Variants in ARHGEF7 observed in about 807,000 individuals in gnomAD.
The protein encoded by ARHGEF7 is Rho guanine nucleotide exchange factor 7.
ARHGEF7 carries 33 observed loss-of-function variants against 109.8 expected under a neutral mutation model. The ratio of observed to expected loss-of-function variants is 0.30; its 90% CI spans 0.23 to 0.40. ARHGEF7 has a LOEUF of 0.40. ARHGEF7 is among the 10% of genes least tolerant of loss of function. ARHGEF7 has a pLI of 1.00. For synonymous variants in ARHGEF7, 458 were observed against 424.6 expected (o/e 1.08, Z -0.97); for missense variants, 938 against 1,098.5 (o/e 0.85, Z 2.07).
At chr13:111,299,577 C>T (rs1262154090) in intron 19 of ARHGEF7, among the ~76,000 whole-genome samples, 6 of 152,078 alleles carry the variant, frequency 3.9e-5, no homozygotes, top group East Asian at 1.9e-4. Context: ...CTCCTGACCT[C>T]GTGATCCACC....
At chr13:111,252,065 T>A (rs2089853926) in intron 8 of ARHGEF7, among the ~76,000 whole-genome samples, 1 of 152,192 alleles carries the variant, frequency 6.6e-6, no homozygotes, top group South Asian at 2.1e-4. Context: ...TGTGTGGTCC[T>A]GGAAGGTGCA....
chr13:111,129,898 G>T (rs549497425), intron 1 of ARHGEF7, among the ~76,000 whole-genome samples: 6 of 152,312 alleles, frequency 3.9e-5, no homozygotes, highest in Admixed American at 3.9e-4. Context: ...AAATGGAAAC[G>T]ATACGGCCAT....
chr13:111,138,781 T>G (rs1346870019), intron 1 of ARHGEF7, among the ~76,000 whole-genome samples: 1 of 152,130 alleles, frequency 6.6e-6, no homozygotes, highest in African/African-American at 2.4e-5. Flanking sequence ...TGATGACAAT[T>G]TTGACAACAC....
Position 111,162,931 on chromosome 13 carries a change from A to G in ARHGEF7, c.252+8940A>G, listed in dbSNP as rs183668252. Among the ~76,000 whole-genome samples, 438 of 152,366 alleles carry G rather than the reference A, an allele frequency of 2.9e-3. 5 individuals are homozygous for G. Among genetic ancestry groups the G allele is most frequent in the African/African-American group, 9.8e-3 (407 of 41,574 alleles). On this transcript the variant is annotated intron_variant, in intron 2 of 21. Transcript: ENST00000646102. ...TAGTCTGGGATGGGACGCCCAGCCA[A>G]GTGTTGTCTTTGTTCTAGATTCAGA...
At chr13:111,119,123 A>C (rs1409145256) in intron 1 of ARHGEF7, among the ~76,000 whole-genome samples, 3 of 152,200 alleles carry the variant, frequency 2.0e-5, no homozygotes, top group Non-Finnish European at 4.4e-5. Context: ...GTGGCAACAC[A>C]AGTCCAATCT....
intron 6 of ARHGEF7, among the ~76,000 whole-genome samples, chr13:111,235,610 G>A (rs983556628): frequency 1.3e-5 from 2 of 152,206 alleles, no homozygotes; most frequent in African/African-American, 2.4e-5. Context: ...GTCTTTTGAT[G>A]TAGTACTCTC....
rs77969679 is a variant in ARHGEF7 at position 111,144,171 on chromosome 13, T to A, written c.166-9734T>A. 4.8e-4 allele frequency: 73 copies of A among 152,342 alleles called. 2 individuals are homozygous for A. The East Asian group carries it at 0.014, about 29-fold the overall frequency. 9.4% of individuals were successfully genotyped at this position (152,342 alleles called of 1,614,324 possible). ...GAACTGGAGGTTTGGTACACTTGTA[T>A]CTATTACTACCCTTCATAATCTGGC... On this transcript the variant is annotated intron_variant, in intron 1 of 21. Transcript: ENST00000646102.
At chr13:111,173,856 G>A (rs2077838228) in intron 2 of ARHGEF7, among the ~76,000 whole-genome samples, 2 of 152,188 alleles carry the variant, frequency 1.3e-5, no homozygotes, top group Non-Finnish European at 2.9e-5. Flanking sequence ...GTAGAGGGAT[G>A]TGGGTGTCAT....
At chr13:111,191,252 G>A (rs897912138) in intron 2 of ARHGEF7, among the ~76,000 whole-genome samples, 1 of 152,116 alleles carries the variant, frequency 6.6e-6, no homozygotes, top group African/African-American at 2.4e-5. Flanking sequence ...AAGTTGTGAG[G>A]TGTAATTACA....
In ARHGEF7 at chr13:111,255,648, T is replaced by C. The variant is rs949155327; in HGVS notation, c.950+11354T>C. On this transcript the variant is annotated intron_variant, in intron 8 of 21. Coordinates refer to ENST00000646102, the MANE Select transcript of ARHGEF7 (RefSeq NM_001354046.2). The surrounding 1 kb of genome is among the most constrained non-coding windows in gnomAD (Gnocchi z 4.1). ...TGGCTTTGGAGGGCCCTGAGTGAGCTGGCTGGTGTTCGTGAAAGAAGATCT... is the reference window on the plus strand; with the variant it reads ...TGGCTTTGGAGGGCCCTGAGTGAGCCGGCTGGTGTTCGTGAAAGAAGATCT... Among the ~76,000 whole-genome samples the C allele has an allele frequency of 6.6e-6, 1 of 152,248 alleles. No homozygotes were observed. Among genetic ancestry groups the C allele is most frequent in the Non-Finnish European group, 1.5e-5 (1 of 68,050 alleles).
Position 111,283,341 on chromosome 13 carries a change from C to T in ARHGEF7, c.1928C>T (p.Ser643Leu). The T allele has an allele frequency of 6.4e-7, 1 of 1,550,490 alleles. No homozygotes were observed. Among genetic ancestry groups the T allele is most frequent in the Admixed American group, 1.9e-5 (1 of 52,378 alleles). Residue 643 changes from serine to leucine, a missense_variant, in exon 16 of 22, where the codon TCA becomes TTA. By Grantham distance (145) the Ser-to-Leu change is moderately radical (BLOSUM62 -2). Around this residue, in one of 4 missense-constraint regions of ARHGEF7, gnomAD observed 585 missense variants for 723.6 expected, o/e 0.81. Transcript: ENST00000646102. ...CGGCCCGCGCCTCCCCTCCGGCCCT[C>T]AGCTGCTCTCTGCTACAAGGAGGTG... ...CLRPAPPLRP[S>L]AALCYKEDLS...
At chr13:111,183,218 A>C (rs2078935340) in intron 2 of ARHGEF7, among the ~76,000 whole-genome samples, 1 of 152,204 alleles carries the variant, frequency 6.6e-6, no homozygotes, top group Non-Finnish European at 1.5e-5. Context: ...TCGTGCTAGC[A>C]AGTTTTGTTA....
At chr13:111,221,992 T>C (rs1216440346) in intron 5 of ARHGEF7, among the ~76,000 whole-genome samples, 1 of 152,090 alleles carries the variant, frequency 6.6e-6, no homozygotes, top group East Asian at 1.9e-4. Context: ...GGAGGCTAGG[T>C]CAGTCTCGCC....
chr13:111,248,944 T>TGTTTGACAGGCA (rs1396612604), intron 8 of ARHGEF7, among the ~76,000 whole-genome samples: 4 of 152,326 alleles, frequency 2.6e-5, no homozygotes, highest in African/African-American at 7.2e-5. Context: ...TTGATTTGCT[T>TGTTTGACAGGCA]GTTTGACAGG....
chr13:111,210,142 G>A (rs2082321048), intron 4 of ARHGEF7, 140 bp downstream of exon 4: 1 of 1,123,808 alleles, frequency 8.9e-7, no homozygotes, highest in Non-Finnish European at 1.3e-6. Context: ...CGTTGTGCCT[G>A]TAATCTGGTT....
intron 17 of ARHGEF7, among the ~76,000 whole-genome samples, chr13:111,287,816 C>T (rs553958459): frequency 5.0e-4 from 76 of 152,330 alleles, no homozygotes; most frequent in African/African-American, 1.6e-3. Context: ...AGCCAGAGTC[C>T]GGTTCCATAG....
intron 15 of ARHGEF7, among the ~76,000 whole-genome samples, chr13:111,281,435 G>C (rs980842163): frequency 6.6e-6 from 1 of 152,092 alleles, no homozygotes; most frequent in Admixed American, 6.5e-5. Flanking sequence ...GCTCTGTCGT[G>C]TGCTCAGTTT....
intron 5 of ARHGEF7, among the ~76,000 whole-genome samples, chr13:111,224,229 G>A (rs578043668): frequency 9.2e-6 from 1 of 108,510 alleles, no homozygotes; most frequent in Admixed American, 1.5e-4. Flanking sequence ...TTACTCCCTT[G>A]CTTCAGAATT....
At chr13:111,189,295 A>C (rs2153442671) in intron 2 of ARHGEF7, among the ~76,000 whole-genome samples, 1 of 152,296 alleles carries the variant, frequency 6.6e-6, no homozygotes, top group Admixed American at 6.5e-5. Flanking sequence ...GGCGAGTGTT[A>C]CAGTTATTAA....
Sources: gnomAD v4.1 joint callset for allele counts (sites outside exome capture counted in the v4.1 genomes callset) on GRCh38, gnomAD v4.1.1 for gene constraint, gnomAD v4.1.1 regional missense constraint, Gnocchi (gnomAD v3.1) non-coding constraint, MANE v1.5 for transcripts, NCBI Gene and HGNC (gene_info 2026-07-23, HGNC 2026-07-21) for gene names.